KIF3A: variants seen among roughly 807,000 people sequenced by gnomAD.
KIF3A encodes the protein kinesin family member 3A, also known as kinesin-like protein KIF3A.
In KIF3A, 27 loss-of-function variants were observed where a neutral mutation model predicts 92.6. The ratio of observed to expected loss-of-function variants is 0.29; its 90% confidence interval spans 0.21 to 0.40. The LOEUF (loss-of-function observed/expected upper bound fraction) is 0.40, where lower values mean the gene tolerates loss of function less well. Ranked by LOEUF, KIF3A falls within the 10% of genes least tolerant of loss-of-function variation. KIF3A has a pLI of 1.00. For missense variants in KIF3A, 581 were observed against 872.6 expected (o/e 0.67, Z 4.21); for synonymous variants, 250 against 275.4 (o/e 0.91, Z 0.92).
intron 18 of KIF3A, among the ~76,000 whole-genome samples, chr5:132,697,362 A>G (rs1383245145): frequency 6.6e-6 from 1 of 152,110 alleles, no homozygotes; most frequent in Admixed American, 6.5e-5. Flanking sequence ...TTAATGTTAA[A>G]CTAAAAAAAT....
At chr5:132,734,139 G>A in intron 2 of KIF3A, 66 bp downstream of exon 2, 4 of 1,257,254 alleles carry the variant, frequency 3.2e-6, no homozygotes, top group South Asian at 2.8e-5. Context: ...GCTGCAATAT[G>A]TGAATTTATG....
At chr5:132,690,210 T>C (rs1196380501), downstream of KIF3A, among the ~76,000 whole-genome samples, 2 of 152,038 alleles carry the variant, frequency 1.3e-5, no homozygotes, top group Non-Finnish European at 2.9e-5. Context: ...AGTGAGACTC[T>C]GTCTCAAAAA....
intron 8 of KIF3A, among the ~76,000 whole-genome samples, chr5:132,712,402 AATG>A (rs1441790625): frequency 2.6e-5 from 4 of 152,254 alleles, no homozygotes; most frequent in Middle Eastern, 3.2e-3. Flanking sequence ...CAAAATAAAT[AATG>A]ATAACACTGG....
chr5:132,734,474 T>C lies in KIF3A; in HGVS notation c.11A>G (p.Asn4Ser), dbSNP rs1465873821. ...GCAGCTTTCTGGCTTCTCTGATTTA[T>C]TGATCTGTTGGAGATAATATTTACA... MPI[N>S]KSEKPESCDN... The change falls in exon 2 of 19, where the codon AAT becomes AGT. Residue 4 changes from asparagine (N) to serine (S), a missense_variant. This residue lies in a region of KIF3A where 217 missense variants were observed against 299.7 expected (regional missense o/e 0.72). Coordinates refer to ENST00000403231, the MANE Select transcript of KIF3A (RefSeq NM_001300791.2). 5 of 1,609,220 alleles carry C rather than the reference T, an allele frequency of 3.1e-6. No individual in the cohort carries two copies. In the South Asian group the frequency reaches 5.6e-5, roughly 18 times the overall value.
At position 132,700,298 on chromosome 5, in the gene KIF3A, A is replaced by G; in HGVS notation, c.1939-14T>C. The G allele has an allele frequency of 6.5e-7, 1 of 1,531,860 alleles. No homozygotes were observed. The highest frequency in any genetic ancestry group is 9.0e-7 in the Non-Finnish European group (1 of 1,114,896). The allele number at this position is 1,531,860 out of a possible 1,614,324, so 94.9% of individuals were successfully genotyped here. A position where few individuals can be genotyped will look rare whatever the true frequency, so the allele number is the denominator to read the frequency against. ...AGCAACACATTTCTCAAAAAAAGAA[A>G]AGGGAGAGACAGAGAAATGTCTTAA... On this transcript the variant is annotated splice_polypyrimidine_tract_variant and intron_variant, in intron 16 of 18. Coordinates refer to ENST00000403231, the MANE Select transcript of KIF3A (RefSeq NM_001300791.2).
At chr5:132,714,194 A>G (rs1296683024) in intron 8 of KIF3A, among the ~76,000 whole-genome samples, 4 of 151,792 alleles carry the variant, frequency 2.6e-5, no homozygotes, top group African/African-American at 9.7e-5. Context: ...ACTGCGCCCC[A>G]CCAATTCCGC....
At chr5:132,721,261 G>A (rs868270537) in intron 4 of KIF3A, 2 of 152,204 alleles carry the variant, frequency 1.3e-5, no homozygotes, top group Non-Finnish European at 2.9e-5. Context: ...GCAACTGAGG[G>A]AAATAATCAG....
At chr5:132,711,091 C>T (rs1481024913) in intron 8 of KIF3A, 34 bp from the exon 9 acceptor site, 4 of 1,598,830 alleles carry the variant, frequency 2.5e-6, no homozygotes, top group African/African-American at 1.3e-5. Flanking sequence ...GTTTTTTATC[C>T]TGTACGAAGT....
At chr5:132,692,092 A>C (rs1752680620), downstream of KIF3A, among the ~76,000 whole-genome samples, 1 of 152,236 alleles carries the variant, frequency 6.6e-6, no homozygotes, top group Admixed American at 6.5e-5. Context: ...GCAGCCATAA[A>C]AATGAATGAG....
intron 9 of KIF3A, among the ~76,000 whole-genome samples, 157 bp from the exon 10 acceptor site, chr5:132,709,135 A>G (rs959118672): frequency 6.6e-5 from 10 of 152,218 alleles, no homozygotes; most frequent in African/African-American, 2.4e-4. Flanking sequence ...CTAAAAACCA[A>G]TCTTGGTAGT....
chr5:132,706,388 A>C (rs1349606705), intron 11 of KIF3A, 63 bp downstream of exon 11: 1 of 1,242,480 alleles, frequency 8.0e-7, no homozygotes, highest in African/African-American at 1.6e-5. Context: ...ATGTATTTAA[A>C]TAACATAGTT....
intron 11 of KIF3A, 136 bp from the exon 12 acceptor site, chr5:132,703,755 AAACC>A: frequency 1.6e-6 from 1 of 619,158 alleles, no homozygotes; most frequent in East Asian, 2.8e-5. Flanking sequence ...TAAGGAAATC[AAACC>A]AATAATATCA....
chr5:132,719,666 A>C (rs1411451333), intron 5 of KIF3A, among the ~76,000 whole-genome samples: 1 of 151,534 alleles, frequency 6.6e-6, no homozygotes, highest in African/African-American at 2.4e-5. Context: ...TAATTTTTGT[A>C]TTTTTAGTAG....
intron 1 of KIF3A, among the ~76,000 whole-genome samples, chr5:132,736,288 C>A (rs1754386069): frequency 6.6e-6 from 1 of 152,156 alleles, no homozygotes; most frequent in South Asian, 2.1e-4. Flanking sequence ...AGAAATTTCA[C>A]AAAAATAATT....
intron 5 of KIF3A, 50 bp downstream of exon 5, chr5:132,720,559 C>CGG (rs745636232): frequency 1.6e-6 from 2 of 1,219,186 alleles, no homozygotes; most frequent in Admixed American, 4.2e-5. Flanking sequence ...GCTTCTAAAC[C>CGG]AGCCTACTCA....
At chr5:132,699,855 C>T (rs1049704613) in intron 17 of KIF3A, among the ~76,000 whole-genome samples, 1 of 152,164 alleles carries the variant, frequency 6.6e-6, no homozygotes, top group Non-Finnish European at 1.5e-5. Context: ...AGCCACCACG[C>T]CCGGCCCGCT....
chr5:132,728,365 A>G (rs748226971), intron 2 of KIF3A, among the ~76,000 whole-genome samples: 25 of 152,206 alleles, frequency 1.6e-4, no homozygotes, highest in African/African-American at 3.9e-4. Context: ...CCTCCCAGCT[A>G]TGTTTGCATT....
intron 2 of KIF3A, among the ~76,000 whole-genome samples, chr5:132,730,730 C>T (rs59354656): frequency 2.6e-5 from 4 of 151,664 alleles, no homozygotes; most frequent in Admixed American, 2.6e-4. Flanking sequence ...GGGAGGTAGA[C>T]GCTAAGTGAG....
At position 132,710,940 on chromosome 5, in the gene KIF3A, A is replaced by G; in HGVS notation, c.1228+19T>C. The G allele has an allele frequency of 6.2e-7, 1 of 1,613,732 alleles. No individual in the cohort carries two copies. The highest frequency in any genetic ancestry group is 8.5e-7 in the Non-Finnish European group (1 of 1,179,844). On this transcript the variant is annotated intron_variant, in intron 9 of 18. Coordinates refer to ENST00000403231, the MANE Select transcript of KIF3A (RefSeq NM_001300791.2). ...AAACCACCTAATTTCTACAAATCAGATTACTAAACAGAACTTACCCCTTCT... is the reference window on the plus strand; with the variant it reads ...AAACCACCTAATTTCTACAAATCAGGTTACTAAACAGAACTTACCCCTTCT...
Sources: allele counts gnomAD v4.1 joint callset (sites outside exome capture counted in the v4.1 genomes callset), GRCh38; gene constraint gnomAD v4.1.1; regional missense constraint gnomAD v4.1.1; transcripts MANE v1.5; gene names NCBI Gene and HGNC (gene_info 2026-07-23, HGNC 2026-07-21).